The following DNAH9 variants were observed in gnomAD, a reference collection of about 807,000 sequenced individuals.
DNAH9 encodes the protein dynein axonemal heavy chain 9, also known as DNAH9 variant protein.
DNAH9 carries 345 observed loss-of-function variants against 471.6 expected under a neutral mutation model. That is an observed-to-expected ratio of 0.73 (90% CI 0.67 to 0.80). DNAH9 has a LOEUF of 0.80. Among genes scored for constraint, DNAH9 ranks in the 30% least tolerant of loss-of-function variants. The pLI is 0.00. For missense variants in DNAH9, 5,407 were observed against 5,609.2 expected (o/e 0.96, Z 1.15); for synonymous variants, 2,093 against 2,123.6 (o/e 0.99, Z 0.40).
At chr17:11,832,852 G>A (rs73980513) in intron 48 of DNAH9, among the ~76,000 whole-genome samples, 3,426 of 152,238 alleles carry the variant, frequency 0.023, 142 homozygotes, top group African/African-American at 0.077. Context: ...TTTATGGGCC[G>A]TATTGCAAAT....
At chr17:11,654,932 G>C (rs2073606915) in intron 14 of DNAH9, among the ~76,000 whole-genome samples, 1 of 152,062 alleles carries the variant, frequency 6.6e-6, no homozygotes, top group Non-Finnish European at 1.5e-5. Flanking sequence ...TAGTCATAAA[G>C]GTCCCTCAGG....
chr17:11,864,272 G>A (rs1386053194), intron 50 of DNAH9, among the ~76,000 whole-genome samples: 15 of 151,012 alleles, frequency 9.9e-5, no homozygotes, highest in South Asian at 2.1e-4. Context: ...CCTTCATTTC[G>A]TTATGTACCC....
chr17:11,736,759 G>T (rs1318846507), intron 28 of DNAH9, among the ~76,000 whole-genome samples: 1 of 152,198 alleles, frequency 6.6e-6, no homozygotes, highest in African/African-American at 2.4e-5. Flanking sequence ...ATCCAAAAGT[G>T]CATCATAAAT....
At chr17:11,804,522 A>T (rs973128208) in intron 43 of DNAH9, among the ~76,000 whole-genome samples, 6 of 152,254 alleles carry the variant, frequency 3.9e-5, no homozygotes, top group Non-Finnish European at 7.3e-5. Flanking sequence ...AACATTTAAA[A>T]ATGTTCAATT....
At chr17:11,947,141 G>A (rs1975156768) in intron 67 of DNAH9, among the ~76,000 whole-genome samples, 1 of 152,136 alleles carries the variant, frequency 6.6e-6, no homozygotes, top group Non-Finnish European at 1.5e-5. Context: ...ATTCTTTTGG[G>A]AATTCACCAC....
intron 29 of DNAH9, among the ~76,000 whole-genome samples, chr17:11,740,263 A>AT (rs1432100021): frequency 6.6e-6 from 1 of 152,200 alleles, no homozygotes; most frequent in South Asian, 2.1e-4. Context: ...TTCTTGCTGA[A>AT]TTTTTTTGCT....
At chr17:11,753,324 C>T (rs2077020400) in intron 33 of DNAH9, among the ~76,000 whole-genome samples, 2 of 152,156 alleles carry the variant, frequency 1.3e-5, no homozygotes, top group Non-Finnish European at 2.9e-5. Flanking sequence ...CAGAAACATT[C>T]CAAGCCTGTC....
chr17:11,907,532 C>G (rs12944013), intron 61 of DNAH9, among the ~76,000 whole-genome samples: 6,598 of 151,812 alleles, frequency 0.043, 169 homozygotes, highest in Non-Finnish European at 0.064. Context: ...TCTGACCCCC[C>G]CTTCCCATCA....
intron 41 of DNAH9, among the ~76,000 whole-genome samples, chr17:11,790,472 A>G (rs1969025552): frequency 6.6e-6 from 1 of 152,040 alleles, no homozygotes; most frequent in African/African-American, 2.4e-5. Flanking sequence ...TTTGTATGAC[A>G]TTAGTATGTA....
At chr17:11,762,766 T>TTTTTTTTTGTTTG (rs777342371) in intron 35 of DNAH9, among the ~76,000 whole-genome samples, 2 of 87,318 alleles carry the variant, frequency 2.3e-5, no homozygotes, top group African/African-American at 4.0e-5. Flanking sequence ...GCGTTTTTTT[T>TTTTTTTTTGTTTG]TTTGTTTTTT....
At chr17:11,717,928 C>T (rs1043492305) in intron 26 of DNAH9, among the ~76,000 whole-genome samples, 18 of 152,164 alleles carry the variant, frequency 1.2e-4, no homozygotes, top group Non-Finnish European at 4.4e-5. Context: ...GGCTGGAGTA[C>T]AATGACATGA....
intron 22 of DNAH9, among the ~76,000 whole-genome samples, chr17:11,696,036 A>C (rs1359603892): frequency 6.6e-6 from 1 of 152,230 alleles, no homozygotes; most frequent in East Asian, 1.9e-4. Flanking sequence ...GTATATACTC[A>C]GAGATGTATC....
intron 53 of DNAH9, among the ~76,000 whole-genome samples, chr17:11,876,063 G>A (rs1029859305): frequency 6.6e-5 from 10 of 152,108 alleles, no homozygotes; most frequent in African/African-American, 1.9e-4. Flanking sequence ...TCCATTTCAC[G>A]TCCGAGGAAG....
At chr17:11,734,877 A>G (rs896698271) in intron 28 of DNAH9, among the ~76,000 whole-genome samples, 2 of 152,218 alleles carry the variant, frequency 1.3e-5, no homozygotes, top group Admixed American at 6.5e-5. Flanking sequence ...GTATGCAGCT[A>G]TGAATGGGGC....
rs546111303 is a variant in DNAH9 at position 11,883,251 on chromosome 17, C to T, written c.10807-335C>T. ...CCAGAGAACTAAAACTGGACCCTAACCCTCTAGTTACACAAATAAGCTCCG... is the reference window on the plus strand; with the variant it reads ...CCAGAGAACTAAAACTGGACCCTAATCCTCTAGTTACACAAATAAGCTCCG... On this transcript the variant is annotated intron_variant, in intron 55 of 68. Transcript: ENST00000262442. 15 of 1,032,478 alleles carry T rather than the reference C, an allele frequency of 1.5e-5. No individual in the cohort carries two copies. In the East Asian group the frequency reaches 4.1e-4, roughly 28 times the overall value. The allele number at this position is 1,032,478 out of a possible 1,614,324, so 64.0% of individuals were successfully genotyped here. A position where few individuals can be genotyped will look rare whatever the true frequency, so the allele number is the denominator to read the frequency against.
Position 11,610,540 on chromosome 17 carries a change from G to GT in DNAH9, c.761dup (p.Trp255LeufsTer6). 6.2e-7 allele frequency: 1 copy of GT among 1,612,650 alleles called. No individual in the cohort carries two copies. The highest frequency in any genetic ancestry group is 8.5e-7 in the Non-Finnish European group (1 of 1,179,928). On this transcript the variant is annotated frameshift_variant, in exon 3 of 69. Coordinates refer to ENST00000262442, the MANE Select transcript of DNAH9 (RefSeq NM_001372.4). LOFTEE classifies it high-confidence loss of function. ...ATCCCACCCCTAAGGTGGAGTTGGA[G>GT]TTCTGGAAGAGCAGGTAGGCAAGAA... is the stretch of plus-strand genomic sequence containing the variant.
intron 43 of DNAH9, among the ~76,000 whole-genome samples, chr17:11,801,458 T>C (rs1969457417): frequency 6.6e-6 from 1 of 152,020 alleles, no homozygotes; most frequent in African/African-American, 2.4e-5. Context: ...GGGAGGCCGA[T>C]GCGGGTGGAT....
At chr17:11,694,542 G>C in intron 22 of DNAH9, 95 bp downstream of exon 22, 1 of 1,397,132 alleles carries the variant, frequency 7.2e-7, no homozygotes, top group Non-Finnish European at 1.0e-6. Context: ...TCTTCTCTCT[G>C]GCAGGTTCTG....
chr17:11,713,369 G>A (rs2074906593), intron 26 of DNAH9, among the ~76,000 whole-genome samples: 1 of 152,092 alleles, frequency 6.6e-6, no homozygotes, highest in Non-Finnish European at 1.5e-5. Flanking sequence ...ACATATGCAT[G>A]CATGTGTCTT....
Sources: gnomAD v4.1 joint callset for allele counts (sites outside exome capture counted in the v4.1 genomes callset) on GRCh38, gnomAD v4.1.1 for gene constraint, MANE v1.5 for transcripts, NCBI Gene and HGNC (gene_info 2026-07-23, HGNC 2026-07-21) for gene names.